PTDSS2: variants seen among roughly 807,000 people sequenced by gnomAD.
The protein encoded by PTDSS2 is phosphatidylserine synthase 2.
PTDSS2 carries 41 observed loss-of-function variants against 64.7 expected under a neutral mutation model. The ratio of observed to expected loss-of-function variants is 0.63; its 90% CI spans 0.49 to 0.82. The LOEUF (loss-of-function observed/expected upper bound fraction) is 0.82. Ranked by LOEUF, PTDSS2 falls within the 40% of genes least tolerant of loss-of-function variation. The pLI, the probability that PTDSS2 is intolerant of heterozygous loss-of-function variation, is 0.00. For synonymous variants in PTDSS2, 297 were observed against 277.8 expected (o/e 1.07, Z -0.69); for missense variants, 485 against 650.0 (o/e 0.75, Z 2.76).
In PTDSS2 at chr11:487,446, G is replaced by T. The variant is rs755952782; in HGVS notation, c.597G>T (p.Ala199=). Residue 199 remains alanine (A), a synonymous_variant, in exon 6 of 12, where the codon GCG becomes GCT. Coordinates refer to ENST00000308020, the MANE Select transcript of PTDSS2 (RefSeq NM_030783.3). ...IWDKLDGFVP[A]HFLGWYLKTL... is the part of the protein sequence containing the mutation. ...ACAAGTTGGATGGCTTTGTTCCCGCGCACTTTCTTGGCTGGTACCTGAAGG... is the reference window on the plus strand; with the variant it reads ...ACAAGTTGGATGGCTTTGTTCCCGCTCACTTTCTTGGCTGGTACCTGAAGG... 7 of 1,613,944 alleles carry T rather than the reference G, an allele frequency of 4.3e-6. No individual in the cohort carries two copies. The highest frequency in any genetic ancestry group is 4.2e-6 in the Non-Finnish European group (5 of 1,179,984).
At chr11:450,667 G>A (rs1846273491) in intron 1 of PTDSS2, 30 bp downstream of exon 1, 1 of 1,242,130 alleles carries the variant, frequency 8.1e-7, no homozygotes, top group East Asian at 3.2e-5. Flanking sequence ...GCGGGGCGGC[G>A]AGGGTGCCCT....
At chr11:478,728 C>A (rs1226987830) in intron 3 of PTDSS2, among the ~76,000 whole-genome samples, 1 of 151,792 alleles carries the variant, frequency 6.6e-6, no homozygotes, top group Non-Finnish European at 1.5e-5. Flanking sequence ...GGGCGACAGA[C>A]TCCATCTAAA....
chr11:460,039 A>G lies in PTDSS2; in HGVS notation c.183-148A>G. Reference sequence around the variant, plus strand: ...AGGGTCATCTCGGAGTTACCCAGCTAGGGACTCGCAGCCAGTTGCTGGTTG... The same window carrying G: ...AGGGTCATCTCGGAGTTACCCAGCTGGGGACTCGCAGCCAGTTGCTGGTTG... On this transcript the variant is annotated intron_variant, in intron 1 of 11. Coordinates refer to ENST00000308020, the MANE Select transcript of PTDSS2 (RefSeq NM_030783.3). The surrounding 1 kb of genome is among the most constrained non-coding windows in gnomAD (Gnocchi z 5.8). 2 of 638,914 alleles carry G rather than the reference A, an allele frequency of 3.1e-6. No individual in the cohort carries two copies. The highest frequency in any genetic ancestry group is 3.6e-5 in the South Asian group (2 of 55,768). 39.6% of individuals were successfully genotyped at this position (638,914 alleles called of 1,614,324 possible).
intron 2 of PTDSS2, among the ~76,000 whole-genome samples, chr11:469,750 C>T (rs1847332799): frequency 1.3e-5 from 2 of 152,050 alleles, no homozygotes; most frequent in Admixed American, 1.3e-4. Flanking sequence ...TTCCTAGTGC[C>T]CTCCAGTCCA....
At chr11:484,962 G>T (rs370888220) in intron 4 of PTDSS2, among the ~76,000 whole-genome samples, 1 of 139,008 alleles carries the variant, frequency 7.2e-6, no homozygotes, top group Non-Finnish European at 1.5e-5. Flanking sequence ...CACTGTGTGC[G>T]CAGGCGAGCG....
rs1847965113 is a variant in PTDSS2, at chr11:479,350, T to C, written c.435+198T>C. On this transcript the variant is annotated intron_variant, in intron 4 of 11. Transcript: ENST00000308020. The surrounding 1 kb of genome is among the most constrained non-coding windows in gnomAD (Gnocchi z 4.2). The stretch of plus-strand genomic sequence containing the variant: ...CTTGAGTGATGGGGGGCAGCAAAGC[T>C]AGACCTTCAAAACGTAGGCCGAGCT... 3.2e-6 allele frequency: 2 copies of C among 629,724 alleles called. No homozygotes were observed. Among genetic ancestry groups the C allele is most frequent in the East Asian group, 2.7e-5 (1 of 37,298 alleles). The allele number at this position is 629,724 out of a possible 1,614,324, so 39.0% of individuals were successfully genotyped here. A position where few individuals can be genotyped will look rare whatever the true frequency, so the allele number is the denominator to read the frequency against.
Position 461,461 on chromosome 11 carries a change from G to A in PTDSS2, c.284+1173G>A, listed in dbSNP as rs1419945016. On this transcript the variant is annotated intron_variant, in intron 2 of 11. Transcript: ENST00000308020. This position sits in a 1 kb window ranked among gnomAD's most constrained non-coding sequence, Gnocchi z 4.2. ...TCTGGTTAGAAATTACTGTTGAGGT[G>A]CCTGGACCCAGGACTCTGCAGCCTG... is the stretch of plus-strand genomic sequence containing the variant. Among the ~76,000 whole-genome samples the A allele has an allele frequency of 1.3e-5, 2 of 152,110 alleles. No individual in the cohort carries two copies. The highest frequency in any genetic ancestry group is 2.9e-5 in the Non-Finnish European group (2 of 67,998).
chr11:458,363 A>G (rs544045752), intron 1 of PTDSS2, among the ~76,000 whole-genome samples: 3 of 145,952 alleles, frequency 2.1e-5, no homozygotes, highest in African/African-American at 2.6e-5. Context: ...CACCCACCAC[A>G]CCCGGCTAAT....
chr11:474,166 A>G (rs953781756), intron 3 of PTDSS2, among the ~76,000 whole-genome samples, 189 bp downstream of exon 3: 3 of 151,758 alleles, frequency 2.0e-5, no homozygotes, highest in South Asian at 4.2e-4. Flanking sequence ...TCCTCCTCCA[A>G]CCACCGAGGG....
chr11:449,992 G>A (rs1846241395), upstream of PTDSS2, among the ~76,000 whole-genome samples: 1 of 152,266 alleles, frequency 6.6e-6, no homozygotes, highest in Non-Finnish European at 1.5e-5. Context: ...GTCGGGAAGC[G>A]CCCCAAAAGG....
At chr11:481,268 A>G (rs1285050064) in intron 4 of PTDSS2, among the ~76,000 whole-genome samples, 1 of 152,048 alleles carries the variant, frequency 6.6e-6, no homozygotes, top group Admixed American at 6.5e-5. Context: ...CTCAAGTGAC[A>G]TTTGCAATTG....
In PTDSS2 at chr11:476,814, A is replaced by G. The variant is rs927791947; in HGVS notation, c.368-2271A>G. The stretch of plus-strand genomic sequence containing the variant: ...CAGTTTTTAGTCTGAGCTCTGCTCT[A>G]CCTTTCTTCTGTCCGTTTAGTTTGC... On this transcript the variant is annotated intron_variant, in intron 3 of 11. Transcript: ENST00000308020. The surrounding 1 kb of genome is among the most constrained non-coding windows in gnomAD (Gnocchi z 4.9). Among the ~76,000 whole-genome samples, 3 of 152,084 alleles carry G rather than the reference A, an allele frequency of 2.0e-5. No homozygotes were observed. Among genetic ancestry groups the G allele is most frequent in the African/African-American group, 7.2e-5 (3 of 41,406 alleles).
upstream of PTDSS2, among the ~76,000 whole-genome samples, chr11:450,016 G>T (rs566968547): frequency 1.4e-3 from 206 of 152,328 alleles, no homozygotes; most frequent in African/African-American, 4.7e-3. Flanking sequence ...ACGGGGCTGG[G>T]CTCCGGGATC....
intron 4 of PTDSS2, among the ~76,000 whole-genome samples, chr11:482,223 CTTTT>C (rs558526140): frequency 1.7e-5 from 2 of 117,358 alleles, no homozygotes; most frequent in Admixed American, 9.0e-5. Flanking sequence ...CAAGGATGGG[CTTTT>C]TTTTTTTTTT....
intron 7 of PTDSS2, 80 bp from the exon 8 acceptor site, chr11:488,449 T>TC (rs1447413168): frequency 7.3e-7 from 1 of 1,378,758 alleles, no homozygotes; most frequent in Non-Finnish European, 1.0e-6. Flanking sequence ...CATTCTCGGT[T>TC]CCCCTGTGCT....
intron 4 of PTDSS2, among the ~76,000 whole-genome samples, chr11:483,958 C>G (rs991781893): frequency 6.6e-6 from 1 of 152,164 alleles, no homozygotes; most frequent in Non-Finnish European, 1.5e-5. Flanking sequence ...AGTGCATTCT[C>G]CACAAGGAGG....
Position 479,135 on chromosome 11 carries a change from A to G in PTDSS2, c.418A>G (p.Ile140Val). ...CVSVVYELFL[I>V]FILFQTVQDG... ...GAGTGTGGTCTACGAGCTGTTTCTC[A>G]TCTTTATACTCTTCCAGGTAAGCTG... Residue 140 changes from isoleucine (I) to valine (V), a missense_variant, in exon 4 of 12, where the codon ATC becomes GTC. By Grantham distance (29) the Ile-to-Val change is conservative (BLOSUM62 3). This residue lies in a region of PTDSS2 where 251 missense variants were observed against 348.0 expected (regional missense o/e 0.72). Transcript: ENST00000308020. This position sits in a 1 kb window ranked among gnomAD's most constrained non-coding sequence, Gnocchi z 4.2. 10 of 1,614,032 alleles carry G rather than the reference A, an allele frequency of 6.2e-6. No individual in the cohort carries two copies. The highest frequency in any genetic ancestry group is 7.6e-6 in the Non-Finnish European group (9 of 1,179,894).
In PTDSS2 at chr11:470,979, C is replaced by T. The variant is rs1044036329; in HGVS notation, c.285-2916C>T. On this transcript the variant is annotated intron_variant, in intron 2 of 11. Coordinates refer to ENST00000308020, the MANE Select transcript of PTDSS2 (RefSeq NM_030783.3). The surrounding 1 kb of genome is among the most constrained non-coding windows in gnomAD (Gnocchi z 5.3). ...CTATTTTTACAATAATTCTGTAAAT[C>T]TAAAACCATTCTAAAATTAAAAATT... is the stretch of plus-strand genomic sequence containing the variant. 3.3e-5 allele frequency among the ~76,000 whole-genome samples: 5 copies of T among 152,110 alleles called. No homozygotes were observed. The highest frequency in any genetic ancestry group is 1.2e-4 in the African/African-American group (5 of 41,394).
chr11:487,017 G>A lies in PTDSS2; in HGVS notation c.514G>A (p.Gly172Arg). The A allele has an allele frequency of 2.5e-6, 4 of 1,613,584 alleles. No individual in the cohort carries two copies. Among genetic ancestry groups the A allele is most frequent in the Non-Finnish European group, 3.4e-6 (4 of 1,179,936 alleles). ...GVPLPERDYG[G>R]NCLIYDPDNE... The stretch of plus-strand genomic sequence containing the variant: ...CCCACTGCCAGAGAGAGACTACGGG[G>A]GAAACTGCCTCATCTACGACCCAGA... Residue 172 changes from glycine (G) to arginine (R), a missense_variant, in exon 5 of 12, where the codon GGA becomes AGA. Physicochemically the swap from Gly to Arg is moderately radical, Grantham distance 125 (BLOSUM62 -2). Around this residue, in one of 3 missense-constraint regions of PTDSS2, gnomAD observed 251 missense variants for 348.0 expected, o/e 0.72. Transcript: ENST00000308020.
Sources: allele counts gnomAD v4.1 joint callset (sites outside exome capture counted in the v4.1 genomes callset), GRCh38; gene constraint gnomAD v4.1.1; regional missense constraint gnomAD v4.1.1; non-coding constraint Gnocchi (gnomAD v3.1); transcripts MANE v1.5; gene names NCBI Gene and HGNC (gene_info 2026-07-23, HGNC 2026-07-21).